TLK2: variants seen among roughly 807,000 people sequenced by gnomAD.
TLK2 encodes serine/threonine-protein kinase tousled-like 2.
Under a neutral mutation model 117.3 loss-of-function variants are expected in TLK2, and 6 were observed. That is an observed-to-expected ratio of 0.05 (90% CI 0.03 to 0.10). The LOEUF (loss-of-function observed/expected upper bound fraction) is 0.10, where lower values mean the gene tolerates loss of function less well. Ranked by LOEUF, TLK2 falls within the 10% of genes least tolerant of loss-of-function variation. TLK2 has a pLI of 1.00. For missense variants in TLK2, 299 were observed against 901.2 expected, an observed-to-expected ratio of 0.33 and a Z score of 8.56; for synonymous variants, 257 against 316.7, an observed-to-expected ratio of 0.81 and a Z score of 2.00.
At chr17:62,476,466 C>A (rs1459565114), upstream of TLK2, among the ~76,000 whole-genome samples, 1 of 151,996 alleles carries the variant, frequency 6.6e-6, no homozygotes, top group Non-Finnish European at 1.5e-5. Context: ...GCCTGTAATC[C>A]CAGCTAGTTG....
chr17:62,508,916 C>T (rs1357179040), intron 2 of TLK2, among the ~76,000 whole-genome samples: 2 of 152,010 alleles, frequency 1.3e-5, no homozygotes, highest in Non-Finnish European at 2.9e-5. Flanking sequence ...TGTAGTGAGC[C>T]GAGATTGCAC....
rs185467463 is a variant in TLK2, at chr17:62,542,510, T to A, written c.531+6173T>A. On this transcript the variant is annotated intron_variant, in intron 7 of 21. Coordinates refer to ENST00000346027, the MANE Select transcript of TLK2 (RefSeq NM_006852.6). The stretch of plus-strand genomic sequence containing the variant: ...TCTTTCTTTTTCAGTTGTTTAGTTA[T>A]TGTTACAGTATGAGTGTTTGATATT... Among the ~76,000 whole-genome samples the A allele has an allele frequency of 2.4e-3, 361 of 152,360 alleles. 3 individuals are homozygous for A. The highest frequency in any genetic ancestry group is 6.7e-3 in the African/African-American group (278 of 41,584).
At chr17:62,577,098 G>A (rs1358793011) in intron 13 of TLK2, among the ~76,000 whole-genome samples, 2 of 151,778 alleles carry the variant, frequency 1.3e-5, no homozygotes, top group Non-Finnish European at 2.9e-5. Flanking sequence ...GACTAGCTGG[G>A]ATTACAGGCA....
chr17:62,505,065 C>G (rs2074555823), intron 2 of TLK2, among the ~76,000 whole-genome samples: 2 of 151,858 alleles, frequency 1.3e-5, no homozygotes, highest in African/African-American at 4.8e-5. Flanking sequence ...GTCTCGAGTT[C>G]CTGACCTCAA....
chr17:62,568,431 CA>C lies in TLK2; in HGVS notation c.968+3314del, dbSNP rs57725124. ...TGGGTGACAGAGCGAGACCCTGTCT[CA>C]AAAAAAAAAAAAAAAAAAAGTAATG... On this transcript the variant is annotated intron_variant, in intron 11 of 21. Coordinates refer to ENST00000346027, the MANE Select transcript of TLK2 (RefSeq NM_006852.6). Among the ~76,000 whole-genome samples the C allele has an allele frequency of 8.8e-3, 504 of 57,374 alleles. 1 individual carries two copies. The highest frequency in any genetic ancestry group is 0.02 in the Middle Eastern group (2 of 100). 37.6% of individuals were successfully genotyped at this position (57,374 alleles called of 152,430 possible).
intron 15 of TLK2, among the ~76,000 whole-genome samples, chr17:62,583,338 G>T (rs147788322): frequency 0.043 from 6,584 of 151,988 alleles, 511 homozygotes; most frequent in African/African-American, 0.15. Context: ...CAAATGATCC[G>T]CCCATCTCTG....
chr17:62,517,997 A>T (rs1567835361), intron 2 of TLK2, among the ~76,000 whole-genome samples: 2 of 152,166 alleles, frequency 1.3e-5, no homozygotes, highest in Non-Finnish European at 2.9e-5. Flanking sequence ...TGCGTCCGGC[A>T]TGTAGTAAGT....
chr17:62,576,527 C>T (rs1300575390), intron 12 of TLK2, among the ~76,000 whole-genome samples, 182 bp from the exon 13 acceptor site: 1 of 152,148 alleles, frequency 6.6e-6, no homozygotes, highest in Non-Finnish European at 1.5e-5. Context: ...TCTTCCCTCA[C>T]ATCACATCTG....
intron 2 of TLK2, among the ~76,000 whole-genome samples, chr17:62,492,949 T>G (rs1441413980): frequency 6.6e-6 from 1 of 151,982 alleles, no homozygotes; most frequent in Non-Finnish European, 1.5e-5. Context: ...TACAAAAAAG[T>G]TAGCCGGGCA....
rs76114368 is a variant in TLK2 at position 62,607,622 on chromosome 17, T to C, written c.1972-419T>C. Among the ~76,000 whole-genome samples the C allele has an allele frequency of 5.1e-4, 77 of 152,300 alleles. 1 individual carries two copies. The East Asian group carries it at 0.014, about 27-fold the overall frequency. On this transcript the variant is annotated intron_variant, in intron 20 of 21. Transcript: ENST00000346027. Reference sequence around the variant, plus strand: ...TTTCCCACTCTGTCCTTACCCCTCTTGGTTTTGACTTCCTTTCCTTCTCTT... The same window carrying C: ...TTTCCCACTCTGTCCTTACCCCTCTCGGTTTTGACTTCCTTTCCTTCTCTT...
intron 7 of TLK2, among the ~76,000 whole-genome samples, chr17:62,540,399 A>ATTTT (rs1567879183): frequency 2.2e-4 from 3 of 13,380 alleles, no homozygotes; most frequent in African/African-American, 2.9e-4. Flanking sequence ...ATATGTTCAG[A>ATTTT]ATTTTTTTTT....
intron 12 of TLK2, among the ~76,000 whole-genome samples, chr17:62,575,899 T>C (rs1052196223): frequency 2.0e-5 from 3 of 152,126 alleles, no homozygotes; most frequent in Middle Eastern, 3.2e-3. Flanking sequence ...AGTGTTGCTT[T>C]GTTGCCCAGG....
chr17:62,477,211 G>A (rs1259928193), upstream of TLK2, among the ~76,000 whole-genome samples: 9 of 152,194 alleles, frequency 5.9e-5, no homozygotes, highest in Admixed American at 2.0e-4. Flanking sequence ...CGGCTCTTAG[G>A]TTCTACCGCC....
At chr17:62,512,902 A>T (rs2075274754) in intron 2 of TLK2, among the ~76,000 whole-genome samples, 1 of 102,184 alleles carries the variant, frequency 9.8e-6, no homozygotes. Context: ...ATTAGAGACG[A>T]AGTTTCGCTC....
intron 15 of TLK2, among the ~76,000 whole-genome samples, chr17:62,585,281 G>A (rs188444593): frequency 6.6e-5 from 10 of 152,290 alleles, no homozygotes; most frequent in Admixed American, 2.6e-4. Flanking sequence ...AGTGGCTCAC[G>A]CCTGTAATCC....
intron 11 of TLK2, among the ~76,000 whole-genome samples, chr17:62,567,842 T>C (rs2079924696): frequency 1.3e-5 from 2 of 152,126 alleles, no homozygotes; most frequent in African/African-American, 4.8e-5. Flanking sequence ...TGTTCACTGG[T>C]TCTTTTTTTG....
At chr17:62,518,964 A>C (rs2075833717) in intron 2 of TLK2, among the ~76,000 whole-genome samples, 1 of 152,152 alleles carries the variant, frequency 6.6e-6, no homozygotes, top group Admixed American at 6.6e-5. Context: ...GGCTCATTGC[A>C]ACCTCTACTT....
rs1368531199 is a variant in TLK2 at position 62,520,657 on chromosome 17, A to G, written c.82-116A>G. ...ACGCCATTGTATTCCAGCCGGGGTG[A>G]TAACAGTGAAACTCTGTCTAAAAAA... On this transcript the variant is annotated intron_variant, in intron 2 of 21. Transcript: ENST00000346027. 5.2e-6 allele frequency: 5 copies of G among 959,126 alleles called. No homozygotes were observed. In the East Asian group the frequency reaches 1.7e-4, roughly 33 times the overall value. 59.4% of individuals were successfully genotyped at this position (959,126 alleles called of 1,614,324 possible).
intron 2 of TLK2, among the ~76,000 whole-genome samples, chr17:62,482,780 A>G (rs2071836506): frequency 6.6e-6 from 1 of 152,154 alleles, no homozygotes; most frequent in Non-Finnish European, 1.5e-5. Context: ...TATTCAACAA[A>G]TATTGAGCAC....
Sources: allele counts gnomAD v4.1 joint callset (sites outside exome capture counted in the v4.1 genomes callset), GRCh38; gene constraint gnomAD v4.1.1; transcripts MANE v1.5; gene names NCBI Gene and HGNC (gene_info 2026-07-23, HGNC 2026-07-21).